ZNF716: variants seen among roughly 807,000 people sequenced by gnomAD.
The protein encoded by ZNF716 is zinc finger protein 716.
A neutral mutation model predicts 13.4 loss-of-function variants in ZNF716; 9 were observed. That is an observed-to-expected ratio of 0.67 (90% CI 0.41 to 1.18). ZNF716 has a LOEUF of 1.18. Ranked by LOEUF, ZNF716 falls within the 50% of genes most tolerant of loss-of-function variation. The pLI, the probability that ZNF716 is intolerant of heterozygous loss-of-function variation, is 0.01. For missense variants in ZNF716, 581 were observed against 576.6 expected, an observed-to-expected ratio of 1.01 and a Z score of -0.08; for synonymous variants, 186 against 195.2, an observed-to-expected ratio of 0.95 and a Z score of 0.39.
intron 1 of ZNF716, among the ~76,000 whole-genome samples, chr7:57,460,366 G>A (rs1321964807): frequency 1.5e-5 from 2 of 132,442 alleles, no homozygotes; most frequent in African/African-American, 5.8e-5. Flanking sequence ...CCGCACTCCA[G>A]CCTGGGTGAT....
Position 57,470,005 on chromosome 7 carries a change from A to T in ZNF716, c.*56A>T. The T allele has an allele frequency of 6.9e-7, 1 of 1,445,130 alleles. No individual in the cohort carries two copies. The highest frequency in any genetic ancestry group is 1.5e-5 in the South Asian group (1 of 66,878). The allele number at this position is 1,445,130 out of a possible 1,614,324, so 89.5% of individuals were successfully genotyped here. A position where few individuals can be genotyped will look rare whatever the true frequency, so the allele number is the denominator to read the frequency against. ...ATACATAAAATAATTTATACTGGAA[A>T]AAATCACTACAAGTGTGGAGAATGT... On this transcript the variant is annotated 3_prime_UTR_variant, in exon 4 of 4. Transcript: ENST00000420713.
Position 57,469,291 on chromosome 7 carries a change from T to G in ZNF716, c.830T>G (p.Val277Gly), listed in dbSNP as rs10272498. The change falls in exon 4 of 4, where the codon GTC becomes GGC. Residue 277 changes from valine (V) to glycine (G), a missense_variant. Val to Gly is a moderately radical substitution (Grantham distance 109). Transcript: ENST00000420713. ...KPYTCEERGK[V>G]FSRSTLTNYK... is the part of the protein sequence containing the mutation. ...TACACATGTGAAGAACGTGGCAAAGTCTTTAGCCGCTCAACACTTACTAAC... is the reference window on the plus strand; with the variant it reads ...TACACATGTGAAGAACGTGGCAAAGGCTTTAGCCGCTCAACACTTACTAAC... The G allele has an allele frequency of 1.2e-6, 2 of 1,610,848 alleles. No individual in the cohort carries two copies. Among genetic ancestry groups the G allele is most frequent in the Non-Finnish European group, 1.7e-6 (2 of 1,178,682 alleles).
chr7:57,469,052 T>G lies in ZNF716; in HGVS notation c.591T>G (p.Leu197=). ...CKNDGKSFCM[L]SRLNQHQIIH... is the part of the protein sequence containing the mutation. ...ACGATGGCAAATCATTTTGCATGCT[T>G]TCACGCCTAAATCAACATCAGATAA... is the stretch of plus-strand genomic sequence containing the variant. Residue 197 remains leucine (L), a synonymous_variant, in exon 4 of 4, where the codon CTT becomes CTG. Transcript: ENST00000420713. 2 of 1,607,640 alleles carry G rather than the reference T, an allele frequency of 1.2e-6. No homozygotes were observed. The highest frequency in any genetic ancestry group is 1.7e-6 in the Non-Finnish European group (2 of 1,176,370).
At chr7:57,467,209 T>G (rs1384229055) in intron 3 of ZNF716, among the ~76,000 whole-genome samples, 3 of 152,162 alleles carry the variant, frequency 2.0e-5, no homozygotes, top group Non-Finnish European at 4.4e-5. Flanking sequence ...TATCTTTTTA[T>G]GTTTTTTGAT....
Position 57,469,682 on chromosome 7 carries a change from C to A in ZNF716, c.1221C>A (p.Pro407=), listed in dbSNP as rs782144211. The A allele has an allele frequency of 6.2e-7, 1 of 1,609,542 alleles. No homozygotes were observed. Among genetic ancestry groups the A allele is most frequent in the South Asian group, 1.1e-5 (1 of 90,728 alleles). The change falls in exon 4 of 4, where the codon CCC becomes CCA. Residue 407 remains proline (P), a synonymous_variant. Transcript: ENST00000420713. ...YHKRTHTGEK[P]YKCEECGKAF... ...AGAGAACTCATACTGGAGAGAAACCCTACAAATGTGAAGAATGTGGCAAAG... is the reference window on the plus strand; with the variant it reads ...AGAGAACTCATACTGGAGAGAAACCATACAAATGTGAAGAATGTGGCAAAG...
In ZNF716 at chr7:57,469,690, G is replaced by C. The variant is rs782774321; in HGVS notation, c.1229G>C (p.Cys410Ser). 35 of 1,610,634 alleles carry C rather than the reference G, an allele frequency of 2.2e-5. No individual in the cohort carries two copies. Among genetic ancestry groups the C allele is most frequent in the Non-Finnish European group, 2.9e-5 (34 of 1,177,936 alleles). The change falls in exon 4 of 4, where the codon TGT becomes TCT. Residue 410 changes from cysteine to serine, a missense_variant. By Grantham distance (112) the Cys-to-Ser change is moderately radical. Transcript: ENST00000420713. ...CATACTGGAGAGAAACCCTACAAAT[G>C]TGAAGAATGTGGCAAAGCCTTTAAC... ...RTHTGEKPYK[C>S]EECGKAFNCS... is the part of the protein sequence containing the mutation.
intron 1 of ZNF716, among the ~76,000 whole-genome samples, chr7:57,455,230 T>G (rs369540214): frequency 6.6e-6 from 1 of 152,306 alleles, no homozygotes; most frequent in African/African-American, 2.4e-5. Context: ...GAAGTCAGCA[T>G]GTTCTTAAGG....
intron 1 of ZNF716, among the ~76,000 whole-genome samples, chr7:57,455,178 AG>A (rs750419933): frequency 6.6e-5 from 10 of 152,190 alleles, no homozygotes; most frequent in Non-Finnish European, 1.3e-4. Flanking sequence ...GTATGATAGA[AG>A]GGGGCAAAAT....
At chr7:57,468,184 A>G (rs530337629) in intron 3 of ZNF716, among the ~76,000 whole-genome samples, 3 of 152,294 alleles carry the variant, frequency 2.0e-5, no homozygotes, top group African/African-American at 7.2e-5. Context: ...CTTAGCAGTC[A>G]GTAACTACTT....
intron 3 of ZNF716, among the ~76,000 whole-genome samples, chr7:57,467,776 T>C (rs1378404543): frequency 1.1e-4 from 17 of 152,088 alleles, no homozygotes; most frequent in Admixed American, 1.0e-3. Context: ...GTTTGTTTAT[T>C]TTTATTATTC....
At position 57,467,951 on chromosome 7, in the gene ZNF716, G is replaced by A. The variant is rs546143311; in HGVS notation, c.263-773G>A. On this transcript the variant is annotated intron_variant, in intron 3 of 3. Coordinates refer to ENST00000420713, the MANE Select transcript of ZNF716 (RefSeq NM_001159279.1). ...AATTTTTTATTTTTTTGATTGGACC[G>A]TGTTGCCCTAATATTTTATAAACAT... 4.0e-4 allele frequency among the ~76,000 whole-genome samples: 60 copies of A among 151,698 alleles called. No homozygotes were observed. The South Asian group carries it at 8.1e-3, about 21-fold the overall frequency.
chr7:57,465,082 T>G (rs1166395770), intron 3 of ZNF716, among the ~76,000 whole-genome samples: 1 of 152,214 alleles, frequency 6.6e-6, no homozygotes, highest in African/African-American at 2.4e-5. Context: ...AAATAGTATT[T>G]TAGTAATAAA....
At position 57,469,166 on chromosome 7, in the gene ZNF716, T is replaced by C. The variant is rs782360071; in HGVS notation, c.705T>C (p.His235=). The change falls in exon 4 of 4, where the codon CAT becomes CAC. Residue 235 remains histidine, a synonymous_variant. Coordinates refer to ENST00000420713, the MANE Select transcript of ZNF716 (RefSeq NM_001159279.1). ...SSTLTRHKRI[H]TGEKPYRCEE... ...CCCTTACTAGACATAAAAGAATTCA[T>C]ACTGGAGAGAAACCCTACAGATGTG... The C allele has an allele frequency of 2.0e-5, 33 of 1,612,352 alleles. No individual in the cohort carries two copies. The highest frequency in any genetic ancestry group is 1.5e-4 in the South Asian group (14 of 90,962).
At chr7:57,463,926 T>C (rs1378260465) in intron 3 of ZNF716, among the ~76,000 whole-genome samples, 1 of 152,072 alleles carries the variant, frequency 6.6e-6, no homozygotes, top group Non-Finnish European at 1.5e-5. Context: ...ATCATCAACA[T>C]AGTTTGTGTT....
chr7:57,462,994 C>G, intron 2 of ZNF716, 79 bp from the exon 3 acceptor site: 15 of 1,543,464 alleles, frequency 9.7e-6, no homozygotes, highest in African/African-American at 1.4e-5. Flanking sequence ...ATCATATCCT[C>G]TTTACTAAGC....
At chr7:57,467,756 T>C (rs1789840865) in intron 3 of ZNF716, among the ~76,000 whole-genome samples, 1 of 152,132 alleles carries the variant, frequency 6.6e-6, no homozygotes, top group Non-Finnish European at 1.5e-5. Flanking sequence ...CTATTTTCTT[T>C]TACCTACACG....
intron 1 of ZNF716, among the ~76,000 whole-genome samples, chr7:57,455,481 A>T (rs1310719331): frequency 6.6e-6 from 1 of 152,104 alleles, no homozygotes; most frequent in Non-Finnish European, 1.5e-5. Flanking sequence ...TGTTTCTCTT[A>T]AGCTGTTGGT....
At chr7:57,460,538 G>A (rs1205959772) in intron 1 of ZNF716, among the ~76,000 whole-genome samples, 1 of 151,894 alleles carries the variant, frequency 6.6e-6, no homozygotes. Context: ...TGATAGTCAA[G>A]GGGTTCTGAA....
At chr7:57,459,235 A>C (rs1789661131) in intron 1 of ZNF716, among the ~76,000 whole-genome samples, 1 of 151,826 alleles carries the variant, frequency 6.6e-6, no homozygotes, top group Non-Finnish European at 1.5e-5. Flanking sequence ...GTGCTATGAA[A>C]ATTAAATCAC....
Sources: allele counts gnomAD v4.1 joint callset (sites outside exome capture counted in the v4.1 genomes callset), GRCh38; gene constraint gnomAD v4.1.1; transcripts MANE v1.5; gene names NCBI Gene and HGNC (gene_info 2026-07-23, HGNC 2026-07-21).